MPP7: variants seen among roughly 807,000 people sequenced by gnomAD.
MPP7 encodes the protein MAGUK p55 subfamily member 7.
MPP7 carries 60 observed loss-of-function variants against 76.5 expected under a neutral mutation model. That is an observed-to-expected ratio of 0.78 (90% confidence interval 0.64 to 0.97). The LOEUF is 0.97. MPP7 is among the 50% of genes least tolerant of loss of function. The probability of loss-of-function intolerance (pLI) is 0.00; values close to 1 mark genes in which losing one functional copy is unlikely to be tolerated. For synonymous variants in MPP7, 237 were observed against 244.5 expected (o/e 0.97, Z 0.29); for missense variants, 641 against 694.0 (o/e 0.92, Z 0.86).
At chr10:28,117,233 C>T (rs1212399027) in intron 11 of MPP7, among the ~76,000 whole-genome samples, 4 of 152,038 alleles carry the variant, frequency 2.6e-5, no homozygotes, top group African/African-American at 9.7e-5. Flanking sequence ...TATTATGTGA[C>T]TAAATTCATT....
intron 1 of MPP7, among the ~76,000 whole-genome samples, chr10:28,291,413 C>G (rs1840916563): frequency 6.6e-6 from 1 of 152,120 alleles, no homozygotes; most frequent in Non-Finnish European, 1.5e-5. Context: ...TAAGACCAGC[C>G]TGGACAACAT....
At chr10:28,267,117 T>C (rs1589006144) in intron 1 of MPP7, among the ~76,000 whole-genome samples, 1 of 152,188 alleles carries the variant, frequency 6.6e-6, no homozygotes, top group Non-Finnish European at 1.5e-5. Flanking sequence ...TAAAGTTTTA[T>C]TGAAACACAG....
chr10:28,304,299 G>A (rs1261112500), upstream of MPP7, among the ~76,000 whole-genome samples: 1 of 152,114 alleles, frequency 6.6e-6, no homozygotes, highest in African/African-American at 2.4e-5. Flanking sequence ...GTTTGTTCTT[G>A]TCATTCTCGC....
chr10:28,116,802 G>A (rs1218329982), intron 11 of MPP7, among the ~76,000 whole-genome samples: 2 of 152,018 alleles, frequency 1.3e-5, no homozygotes, highest in Non-Finnish European at 2.9e-5. Flanking sequence ...TTATTCTTCT[G>A]GGTTTGTATT....
At chr10:28,206,273 T>C (rs1025622613) in intron 2 of MPP7, among the ~76,000 whole-genome samples, 1 of 152,220 alleles carries the variant, frequency 6.6e-6, no homozygotes, top group African/African-American at 2.4e-5. Context: ...CTTATCATCT[T>C]AGATGACACA....
At chr10:28,068,734 T>C (rs1292007189) in intron 13 of MPP7, among the ~76,000 whole-genome samples, 1 of 152,212 alleles carries the variant, frequency 6.6e-6, no homozygotes, top group Non-Finnish European at 1.5e-5. Context: ...CTCCTTCAGC[T>C]CTCTGTGATT....
intron 3 of MPP7, among the ~76,000 whole-genome samples, chr10:28,164,836 G>C (rs1438033179): frequency 6.6e-6 from 1 of 152,120 alleles, no homozygotes; most frequent in African/African-American, 2.4e-5. Flanking sequence ...TGAAGAATAA[G>C]AAATTACTTA....
chr10:28,080,596 TG>T (rs769319443), intron 12 of MPP7, among the ~76,000 whole-genome samples: 6 of 152,160 alleles, frequency 3.9e-5, no homozygotes, highest in Non-Finnish European at 8.8e-5. Flanking sequence ...AGGGCAAAAA[TG>T]TTTGTGTGCT....
At chr10:28,183,160 A>G (rs1451194071) in intron 3 of MPP7, among the ~76,000 whole-genome samples, 1 of 152,206 alleles carries the variant, frequency 6.6e-6, no homozygotes, top group African/African-American at 2.4e-5. Context: ...GAGTTTTAAA[A>G]CAGACGAAAT....
At chr10:28,066,903 A>G (rs1167902212) in intron 13 of MPP7, among the ~76,000 whole-genome samples, 1 of 152,204 alleles carries the variant, frequency 6.6e-6, no homozygotes. Context: ...TATACTTTGT[A>G]TGCATATACT....
At chr10:28,097,730 TAGA>T (rs1479892786) in intron 11 of MPP7, among the ~76,000 whole-genome samples, 1 of 152,212 alleles carries the variant, frequency 6.6e-6, no homozygotes, top group Non-Finnish European at 1.5e-5. Flanking sequence ...TTTTTCCTGA[TAGA>T]AGACGTTTTC....
intron 5 of MPP7, among the ~76,000 whole-genome samples, chr10:28,143,902 T>TGTGTGTGA (rs1303829355): frequency 7.8e-6 from 1 of 127,696 alleles, no homozygotes; most frequent in African/African-American, 3.2e-5. Context: ...TGTGTGTGTG[T>TGTGTGTGA]GAGACTGAGT....
At chr10:28,333,789 T>A (rs1421165542) in intron 1 of MPP7, among the ~76,000 whole-genome samples, 1 of 152,198 alleles carries the variant, frequency 6.6e-6, no homozygotes, top group African/African-American at 2.4e-5. Flanking sequence ...TTTAAGTCTA[T>A]CTAGAAACAA....
chr10:28,155,337 C>T (rs1836016680), intron 3 of MPP7, among the ~76,000 whole-genome samples: 1 of 152,118 alleles, frequency 6.6e-6, no homozygotes, highest in Non-Finnish European at 1.5e-5. Context: ...CACCGGTAAG[C>T]CCAGCACTTT....
At chr10:28,279,147 C>T (rs962560356) in intron 1 of MPP7, among the ~76,000 whole-genome samples, 2 of 151,994 alleles carry the variant, frequency 1.3e-5, no homozygotes, top group Admixed American at 6.6e-5. Flanking sequence ...GCCTGAGCTA[C>T]GGGCAAGTTC....
intron 16 of MPP7, 147 bp from the exon 17 acceptor site, chr10:28,054,391 A>G: frequency 1.8e-6 from 1 of 566,480 alleles, no homozygotes; most frequent in Non-Finnish European, 3.1e-6. Context: ...ATCCTCTTTA[A>G]CCACAAGTGC....
chr10:28,112,269 C>T (rs1196473410), intron 11 of MPP7, among the ~76,000 whole-genome samples: 2 of 152,142 alleles, frequency 1.3e-5, no homozygotes, highest in Non-Finnish European at 2.9e-5. Flanking sequence ...TTTGAAATCT[C>T]AGGTACTCCA....
At chr10:28,219,267 G>A (rs1030797773) in intron 2 of MPP7, among the ~76,000 whole-genome samples, 2 of 152,104 alleles carry the variant, frequency 1.3e-5, no homozygotes, top group Middle Eastern at 3.2e-3. Context: ...AGAAGCACAA[G>A]AAGGAAAGAC....
At chr10:28,073,243 C>G (rs902616133) in intron 12 of MPP7, among the ~76,000 whole-genome samples, 1 of 152,148 alleles carries the variant, frequency 6.6e-6, no homozygotes, top group Admixed American at 6.5e-5. Flanking sequence ...CCTAAACATT[C>G]TTCAGATCTA....
Sources: gnomAD v4.1 joint callset for allele counts (sites outside exome capture counted in the v4.1 genomes callset) on GRCh38, gnomAD v4.1.1 for gene constraint, MANE v1.5 for transcripts, NCBI Gene and HGNC (gene_info 2026-07-23, HGNC 2026-07-21) for gene names.